The following FGF12 variants were observed in gnomAD, a reference collection of about 807,000 sequenced individuals.
FGF12 encodes the protein fibroblast growth factor 12B.
In FGF12, 14 loss-of-function variants were observed where a neutral mutation model predicts 23.6. The ratio of observed to expected loss-of-function variants is 0.59; its 90% confidence interval spans 0.39 to 0.93. The LOEUF is 0.93. Among genes scored for constraint, FGF12 ranks in the 40% least tolerant of loss-of-function variants. FGF12 has a pLI of 0.00. For missense variants in FGF12, 175 were observed against 217.8 expected, an observed-to-expected ratio of 0.80 and a Z score of 1.24; for synonymous variants, 62 against 77.3, an observed-to-expected ratio of 0.80 and a Z score of 1.04.
intron 4 of FGF12, among the ~76,000 whole-genome samples, chr3:192,182,265 A>C (rs1313583856): frequency 6.6e-6 from 1 of 151,662 alleles, no homozygotes; most frequent in Admixed American, 6.6e-5. Flanking sequence ...TTTTTTCTAC[A>C]TGTATTATTA....
At chr3:192,640,866 G>T (rs941268995) in intron 2 of FGF12, among the ~76,000 whole-genome samples, 1 of 151,928 alleles carries the variant, frequency 6.6e-6, no homozygotes, top group Admixed American at 6.6e-5. Context: ...AGGTTGGAGT[G>T]CAGTGTCCCG....
At chr3:192,337,820 A>G (rs1418310877) in intron 3 of FGF12, among the ~76,000 whole-genome samples, 1 of 152,184 alleles carries the variant, frequency 6.6e-6, no homozygotes, top group African/African-American at 2.4e-5. Context: ...AAGTTACCAT[A>G]AGACTATTGT....
At chr3:192,591,799 C>A (rs755306768) in intron 2 of FGF12, among the ~76,000 whole-genome samples, 2 of 151,764 alleles carry the variant, frequency 1.3e-5, no homozygotes, top group African/African-American at 4.8e-5. Context: ...AAGCCCTTCA[C>A]GTTATAGATG....
intron 5 of FGF12, among the ~76,000 whole-genome samples, chr3:192,162,203 G>A (rs1048085411): frequency 2.0e-5 from 3 of 152,090 alleles, no homozygotes; most frequent in African/African-American, 4.8e-5. Context: ...AAGGGTGTGG[G>A]AAATTTACCT....
chr3:192,229,695 G>A (rs1209203875), intron 4 of FGF12, among the ~76,000 whole-genome samples: 1 of 151,976 alleles, frequency 6.6e-6, no homozygotes, highest in Non-Finnish European at 1.5e-5. Flanking sequence ...TTTATAAATG[G>A]CTATTGTAAG....
intron 2 of FGF12, among the ~76,000 whole-genome samples, chr3:192,414,479 TAA>T (rs369856009): frequency 0.013 from 2,019 of 152,276 alleles, 29 homozygotes; most frequent in Non-Finnish European, 0.021. Context: ...AATCATGTAA[TAA>T]AGTCAATAAA....
intron 2 of FGF12, among the ~76,000 whole-genome samples, chr3:192,607,872 A>G (rs1161575223): frequency 1.3e-5 from 2 of 151,380 alleles, no homozygotes; most frequent in African/African-American, 4.9e-5. Context: ...AAAAAAGAAG[A>G]AGAAGAATAG....
At chr3:192,213,830 T>C (rs926941135) in intron 4 of FGF12, among the ~76,000 whole-genome samples, 2 of 152,216 alleles carry the variant, frequency 1.3e-5, no homozygotes, top group East Asian at 3.9e-4. Flanking sequence ...TCTCAATAGA[T>C]TGGATCTTCG....
intron 4 of FGF12, among the ~76,000 whole-genome samples, chr3:192,303,313 G>T (rs1356202939): frequency 6.6e-6 from 1 of 152,182 alleles, no homozygotes; most frequent in East Asian, 1.9e-4. Flanking sequence ...CGACTTGAAG[G>T]ATGTCCTTGC....
At chr3:192,654,727 C>G (rs1356659182) in intron 2 of FGF12, among the ~76,000 whole-genome samples, 1 of 152,202 alleles carries the variant, frequency 6.6e-6, no homozygotes, top group Non-Finnish European at 1.5e-5. Context: ...CCCACACCAC[C>G]CTGCATCACA....
chr3:192,431,622 A>C (rs889244295), intron 2 of FGF12, among the ~76,000 whole-genome samples: 8 of 152,180 alleles, frequency 5.3e-5, no homozygotes, highest in African/African-American at 1.9e-4. Context: ...GAATCACAGA[A>C]TCCTAGGGTT....
intron 2 of FGF12, among the ~76,000 whole-genome samples, chr3:192,547,506 A>G (rs535556895): frequency 2.0e-5 from 3 of 152,332 alleles, no homozygotes; most frequent in South Asian, 4.2e-4. Flanking sequence ...TGTCTCTAAT[A>G]AATGATTATT....
intron 2 of FGF12, among the ~76,000 whole-genome samples, chr3:192,587,925 AAAT>A (rs1713439202): frequency 6.6e-6 from 1 of 151,904 alleles, no homozygotes; most frequent in African/African-American, 2.4e-5. Flanking sequence ...TGAAAAAGAC[AAAT>A]AATACTTTTA....
chr3:192,578,833 G>C (rs2108612351), intron 2 of FGF12, among the ~76,000 whole-genome samples: 1 of 152,270 alleles, frequency 6.6e-6, no homozygotes, highest in East Asian at 1.9e-4. Flanking sequence ...TGCAAAGCGA[G>C]TAGCTCATAT....
chr3:192,501,883 T>C (rs1724143342), intron 2 of FGF12, among the ~76,000 whole-genome samples: 1 of 152,212 alleles, frequency 6.6e-6, no homozygotes, highest in African/African-American at 2.4e-5. Flanking sequence ...TGCAGGCTCA[T>C]TGCTTGGCAC....
At chr3:192,389,114 C>G (rs1051474397) in intron 2 of FGF12, among the ~76,000 whole-genome samples, 2 of 152,188 alleles carry the variant, frequency 1.3e-5, no homozygotes, top group African/African-American at 2.4e-5. Context: ...AATCCCAGCA[C>G]TTTGGGAGGC....
chr3:192,685,105 G>A (rs1717684698), intron 2 of FGF12, among the ~76,000 whole-genome samples: 1 of 152,044 alleles, frequency 6.6e-6, no homozygotes, highest in Non-Finnish European at 1.5e-5. Flanking sequence ...AGGCTGGAGT[G>A]CAGTGACACG....
intron 3 of FGF12, among the ~76,000 whole-genome samples, chr3:192,351,818 G>T (rs930586402): frequency 6.6e-6 from 1 of 152,170 alleles, no homozygotes; most frequent in African/African-American, 2.4e-5. Flanking sequence ...TGAGCGTGGG[G>T]TTCTGTATGG....
chr3:192,154,407 C>T (rs1190908511), intron 5 of FGF12, among the ~76,000 whole-genome samples: 1 of 119,612 alleles, frequency 8.4e-6, no homozygotes, highest in African/African-American at 3.1e-5. Context: ...TTAGAGTTTC[C>T]AGTTTTTCTG....
Sources: allele counts gnomAD v4.1 joint callset (sites outside exome capture counted in the v4.1 genomes callset), GRCh38; gene constraint gnomAD v4.1.1; transcripts MANE v1.5; gene names NCBI Gene and HGNC (gene_info 2026-07-23, HGNC 2026-07-21).